HSD17B12: variants seen among roughly 807,000 people sequenced by gnomAD.
HSD17B12 encodes very-long-chain 3-oxoacyl-CoA reductase.
A neutral mutation model predicts 39.3 loss-of-function variants in HSD17B12; 32 were observed. The ratio of observed to expected loss-of-function variants is 0.81; its 90% CI spans 0.61 to 1.09. The LOEUF is 1.09. HSD17B12 is among the 50% of genes least tolerant of loss of function. The pLI is 0.00. For missense variants in HSD17B12, 342 were observed against 382.9 expected, an observed-to-expected ratio of 0.89 and a Z score of 0.89; for synonymous variants, 150 against 146.7, an observed-to-expected ratio of 1.02 and a Z score of -0.16.
intron 7 of HSD17B12, among the ~76,000 whole-genome samples, chr11:43,835,005 A>T (rs1163113719): frequency 2.6e-5 from 4 of 152,176 alleles, no homozygotes; most frequent in Non-Finnish European, 5.9e-5. Flanking sequence ...TACAGAAAAC[A>T]TTGCTTGACT....
the HSD17B12 span, among the ~76,000 whole-genome samples, chr11:43,626,539 C>A: frequency 6.6e-6 from 1 of 151,540 alleles, no homozygotes; most frequent in African/African-American, 2.4e-5. Context: ...AACTATATGG[C>A]ACATTAATTT....
At chr11:43,783,165 A>G (rs767519435) in intron 3 of HSD17B12, among the ~76,000 whole-genome samples, 1 of 152,220 alleles carries the variant, frequency 6.6e-6, no homozygotes, top group Non-Finnish European at 1.5e-5. Context: ...TCTGACTTGG[A>G]TCCTTTTGCA....
chr11:43,652,492 A>G, the HSD17B12 span, among the ~76,000 whole-genome samples: 44 of 152,180 alleles, frequency 2.9e-4, no homozygotes, highest in African/African-American at 1.1e-3. Context: ...ATAGCCTCAG[A>G]TTGAGGGCTC....
chr11:43,654,169 G>GT, the HSD17B12 span, among the ~76,000 whole-genome samples: 4 of 152,146 alleles, frequency 2.6e-5, no homozygotes, highest in Non-Finnish European at 5.9e-5. Flanking sequence ...TTTTTCATGT[G>GT]TTTTTTGGCT....
the HSD17B12 span, among the ~76,000 whole-genome samples, chr11:43,584,860 TA>T: frequency 2.0e-5 from 3 of 152,156 alleles, no homozygotes; most frequent in Non-Finnish European, 2.9e-5. Context: ...AAGGACACAG[TA>T]CCTACCGCAT....
At chr11:43,680,569 C>G (rs151026524), upstream of HSD17B12, 63 of 500,376 alleles carry the variant, frequency 1.3e-4, no homozygotes, top group Admixed American at 9.0e-4. Context: ...CTGGCGGAAC[C>G]CCGGGGGACG....
intron 1 of HSD17B12, among the ~76,000 whole-genome samples, chr11:43,685,326 C>T (rs903601676): frequency 7.3e-6 from 1 of 137,404 alleles, no homozygotes; most frequent in African/African-American, 2.7e-5. Flanking sequence ...ATCACAATTT[C>T]TGTTTTCACA....
At chr11:43,765,079 T>C (rs1393488399) in intron 3 of HSD17B12, among the ~76,000 whole-genome samples, 1 of 152,106 alleles carries the variant, frequency 6.6e-6, no homozygotes, top group Non-Finnish European at 1.5e-5. Flanking sequence ...TTTCTTTCTT[T>C]TAAAAGTCTT....
At chr11:43,721,649 A>C (rs1481437922) in intron 1 of HSD17B12, among the ~76,000 whole-genome samples, 1 of 152,124 alleles carries the variant, frequency 6.6e-6, no homozygotes, top group Non-Finnish European at 1.5e-5. Context: ...CAGGCAGAGG[A>C]AAAAGCAAGT....
chr11:43,600,709 G>A, the HSD17B12 span, among the ~76,000 whole-genome samples: 2 of 151,946 alleles, frequency 1.3e-5, no homozygotes, highest in East Asian at 3.9e-4. Flanking sequence ...ACCTCTTTAT[G>A]CCTCAATTTA....
intron 3 of HSD17B12, among the ~76,000 whole-genome samples, chr11:43,766,507 C>A (rs1950596962): frequency 6.6e-6 from 1 of 152,188 alleles, no homozygotes; most frequent in Non-Finnish European, 1.5e-5. Flanking sequence ...CTCTGTTACA[C>A]CGTCATGGCC....
chr11:43,625,404 T>C, the HSD17B12 span, among the ~76,000 whole-genome samples: 4 of 151,454 alleles, frequency 2.6e-5, no homozygotes, highest in African/African-American at 9.7e-5. Context: ...TAAAAACAAT[T>C]TTTTTGTATT....
intron 4 of HSD17B12, among the ~76,000 whole-genome samples, chr11:43,802,874 T>G (rs964930432): frequency 5.9e-5 from 9 of 152,222 alleles, no homozygotes; most frequent in African/African-American, 2.2e-4. Context: ...ACAACTTTGA[T>G]TTTGATTTCT....
At chr11:43,599,569 C>T in the HSD17B12 span, among the ~76,000 whole-genome samples, 1 of 152,218 alleles carries the variant, frequency 6.6e-6, no homozygotes, top group African/African-American at 2.4e-5. Flanking sequence ...CCTCTCCCTC[C>T]TTCTGCCCTC....
the HSD17B12 span, among the ~76,000 whole-genome samples, chr11:43,584,071 T>G: frequency 6.6e-6 from 1 of 152,208 alleles, no homozygotes; most frequent in East Asian, 1.9e-4. Flanking sequence ...AAAGCAGTTT[T>G]GCATGCCGTC....
chr11:43,709,338 CTGGT>C (rs1466378231), intron 1 of HSD17B12, among the ~76,000 whole-genome samples: 2 of 152,204 alleles, frequency 1.3e-5, no homozygotes, highest in Admixed American at 1.3e-4. Context: ...GTTGGCCAGG[CTGGT>C]TGCAAACTCC....
At chr11:43,847,344 CT>C (rs1370591763) in intron 9 of HSD17B12, among the ~76,000 whole-genome samples, 2 of 152,130 alleles carry the variant, frequency 1.3e-5, no homozygotes, top group East Asian at 3.8e-4. Context: ...ATGAAGTGGA[CT>C]TTTTCATTCT....
the HSD17B12 span, among the ~76,000 whole-genome samples, chr11:43,585,826 A>G: frequency 6.6e-6 from 1 of 152,308 alleles, no homozygotes; most frequent in African/African-American, 2.4e-5. Flanking sequence ...AAATCTAAGA[A>G]AATAATAAGG....
chr11:43,712,218 G>A (rs533248629), intron 1 of HSD17B12, among the ~76,000 whole-genome samples: 1 of 152,150 alleles, frequency 6.6e-6, no homozygotes, highest in Non-Finnish European at 1.5e-5. Flanking sequence ...CACGAGGTCA[G>A]GAGATCAAGA....
Sources: allele counts gnomAD v4.1 joint callset (sites outside exome capture counted in the v4.1 genomes callset), GRCh38; gene constraint gnomAD v4.1.1; transcripts MANE v1.5; gene names NCBI Gene and HGNC (gene_info 2026-07-23, HGNC 2026-07-21).